Variants in CSMD1 observed in about 807,000 individuals in gnomAD.
CSMD1 encodes the protein CUB and sushi domain-containing protein 1.
In CSMD1, 213 loss-of-function variants were observed where a neutral mutation model predicts 417.5. That is an observed-to-expected ratio of 0.51 (90% CI 0.46 to 0.57). The LOEUF (loss-of-function observed/expected upper bound fraction) is 0.57. CSMD1 is among the 20% of genes least tolerant of loss of function. The pLI is 0.00. For synonymous variants in CSMD1, 2,862 were observed against 1,736.8 expected, an observed-to-expected ratio of 1.65 and a Z score of -16.11; for missense variants, 6,923 against 4,529.7, an observed-to-expected ratio of 1.53 and a Z score of -15.17.
intron 3 of CSMD1, among the ~76,000 whole-genome samples, chr8:4,182,206 C>G (rs540375354): frequency 6.6e-6 from 1 of 152,072 alleles, no homozygotes; most frequent in Admixed American, 6.6e-5. Context: ...GTGTTTCATT[C>G]TCAGTTTACT....
intron 2 of CSMD1, among the ~76,000 whole-genome samples, chr8:4,575,363 C>T (rs73500532): frequency 0.011 from 1,647 of 152,152 alleles, 27 homozygotes; most frequent in African/African-American, 0.038. Flanking sequence ...ATTAAAGTTG[C>T]GGGATGAAAA....
At chr8:4,197,316 A>T (rs1041601301) in intron 3 of CSMD1, among the ~76,000 whole-genome samples, 1 of 152,232 alleles carries the variant, frequency 6.6e-6, no homozygotes, top group Non-Finnish European at 1.5e-5. Context: ...GTTATACAAC[A>T]ACCTGACTTG....
At chr8:3,985,590 A>T (rs1814261442) in intron 5 of CSMD1, among the ~76,000 whole-genome samples, 1 of 152,118 alleles carries the variant, frequency 6.6e-6, no homozygotes, top group African/African-American at 2.4e-5. Context: ...CTTTATTTGA[A>T]GGGGCGCCAC....
chr8:4,970,498 G>A (rs1810172976), intron 1 of CSMD1, among the ~76,000 whole-genome samples: 1 of 152,026 alleles, frequency 6.6e-6, no homozygotes, highest in African/African-American at 2.4e-5. Context: ...CCATTCTCAT[G>A]GAATAGAGGT....
intron 5 of CSMD1, 79 bp from the exon 6 acceptor site, chr8:3,754,121 C>T: frequency 1.2e-6 from 1 of 832,756 alleles, no homozygotes; most frequent in Non-Finnish European, 2.0e-6. Context: ...GCTTTGAAAT[C>T]CGATTACTTA....
At chr8:3,433,093 A>C (rs1159879087) in intron 12 of CSMD1, among the ~76,000 whole-genome samples, 1 of 152,214 alleles carries the variant, frequency 6.6e-6, no homozygotes, top group Non-Finnish European at 1.5e-5. Context: ...TAATCCAAGA[A>C]ATACGTTTTA....
chr8:4,117,878 A>T (rs1302963935), intron 3 of CSMD1, among the ~76,000 whole-genome samples: 1 of 152,124 alleles, frequency 6.6e-6, no homozygotes, highest in African/African-American at 2.4e-5. Flanking sequence ...CAAAAACCAC[A>T]AAACAAAGTA....
intron 5 of CSMD1, among the ~76,000 whole-genome samples, chr8:3,897,608 A>G (rs981137916): frequency 2.0e-5 from 3 of 152,138 alleles, no homozygotes; most frequent in Non-Finnish European, 4.4e-5. Context: ...AAGTAACCCT[A>G]AACTGCAACT....
At chr8:4,174,600 G>A (rs1024179598) in intron 3 of CSMD1, among the ~76,000 whole-genome samples, 40 of 149,628 alleles carry the variant, frequency 2.7e-4, no homozygotes, top group African/African-American at 8.9e-4. Flanking sequence ...AATGTCTGAA[G>A]CCTCTTTTAT....
At chr8:4,727,285 T>G (rs1809523085) in intron 1 of CSMD1, among the ~76,000 whole-genome samples, 4 of 152,216 alleles carry the variant, frequency 2.6e-5, no homozygotes, top group Admixed American at 2.6e-4. Flanking sequence ...CGGTGAAGTC[T>G]GTAACAATAA....
chr8:3,606,370 C>T (rs777307023), intron 8 of CSMD1, among the ~76,000 whole-genome samples: 11 of 152,244 alleles, frequency 7.2e-5, no homozygotes, highest in East Asian at 1.9e-4. Context: ...TGAACCCATA[C>T]GGCATGTTAC....
At chr8:4,277,337 T>C (rs1796544203) in intron 3 of CSMD1, among the ~76,000 whole-genome samples, 1 of 152,144 alleles carries the variant, frequency 6.6e-6, no homozygotes, top group African/African-American at 2.4e-5. Flanking sequence ...CCCTTGGATT[T>C]CTGACCTTTC....
intron 7 of CSMD1, among the ~76,000 whole-genome samples, chr8:3,689,732 T>G (rs1190987983): frequency 6.6e-6 from 1 of 152,148 alleles, no homozygotes; most frequent in African/African-American, 2.4e-5. Flanking sequence ...TTTTTAGTGA[T>G]GAAAACATGA....
intron 5 of CSMD1, among the ~76,000 whole-genome samples, chr8:3,997,338 G>A (rs979256314): frequency 5.3e-5 from 8 of 152,074 alleles, no homozygotes; most frequent in African/African-American, 1.9e-4. Context: ...TGTCTCTACT[G>A]GGGTACACAC....
At chr8:3,950,070 A>C (rs1231468314) in intron 5 of CSMD1, 3 of 445,828 alleles carry the variant, frequency 6.7e-6, no homozygotes, top group East Asian at 1.4e-4. Flanking sequence ...GAGTTGCCAG[A>C]AAATAAAAAG....
At chr8:4,502,544 C>G (rs538530202) in intron 2 of CSMD1, among the ~76,000 whole-genome samples, 1 of 152,130 alleles carries the variant, frequency 6.6e-6, no homozygotes, top group African/African-American at 2.4e-5. Flanking sequence ...CCCATAAGTG[C>G]TCTACATTAT....
intron 3 of CSMD1, among the ~76,000 whole-genome samples, chr8:4,137,541 T>C (rs1282184323): frequency 1.5e-5 from 2 of 132,006 alleles, no homozygotes; most frequent in African/African-American, 4.9e-5. Flanking sequence ...ATTCCATTTG[T>C]ATTATGTTTT....
At chr8:3,229,336 A>C (rs550972916) in intron 27 of CSMD1, among the ~76,000 whole-genome samples, 1 of 152,204 alleles carries the variant, frequency 6.6e-6, no homozygotes, top group South Asian at 2.1e-4. Flanking sequence ...GACTTAGATG[A>C]TATACTCTAA....
chr8:3,035,105 CA>C (rs1810586552), intron 50 of CSMD1, among the ~76,000 whole-genome samples: 5 of 152,144 alleles, frequency 3.3e-5, no homozygotes, highest in Non-Finnish European at 5.9e-5. Flanking sequence ...TCTGTGCTGA[CA>C]TTTTTAAAGA....
Sources: allele counts gnomAD v4.1 joint callset (sites outside exome capture counted in the v4.1 genomes callset), GRCh38; gene constraint gnomAD v4.1.1; transcripts MANE v1.5; gene names NCBI Gene and HGNC (gene_info 2026-07-23, HGNC 2026-07-21).